PTPDC1: variants seen among roughly 807,000 people sequenced by gnomAD.
PTPDC1 encodes protein tyrosine phosphatase domain-containing protein 1.
PTPDC1 carries 53 observed loss-of-function variants against 75.3 expected under a neutral mutation model. That is an observed-to-expected ratio of 0.70 (90% CI 0.56 to 0.88). PTPDC1 has a LOEUF of 0.88. Ranked by LOEUF, PTPDC1 falls within the 40% of genes least tolerant of loss-of-function variation. The pLI is 0.00. For missense variants in PTPDC1, 925 were observed against 998.6 expected (o/e 0.93, Z 0.99); for synonymous variants, 349 against 366.2 (o/e 0.95, Z 0.54).
rs1423844283 is a variant in PTPDC1, at chr9:94,036,943, A to G, written c.-7+5816A>G. ...CAAAAGGAAAGTTACCTTGTCCTATATGGTTTGAACTCAGAACATTCTTTT... is the reference window on the plus strand; with the variant it reads ...CAAAAGGAAAGTTACCTTGTCCTATGTGGTTTGAACTCAGAACATTCTTTT... On this transcript the variant is annotated intron_variant, in intron 1 of 9. Transcript: ENST00000375360. Among the ~76,000 whole-genome samples the G allele has an allele frequency of 2.6e-5, 4 of 152,228 alleles. No individual in the cohort carries two copies. In the East Asian group the frequency reaches 7.7e-4, roughly 29 times the overall value.
chr9:94,081,764 G>A (rs907706403), upstream of PTPDC1, among the ~76,000 whole-genome samples: 4 of 151,976 alleles, frequency 2.6e-5, no homozygotes, highest in Non-Finnish European at 5.9e-5. Flanking sequence ...ATGAAGGGGA[G>A]AGAAGAAGGG....
At chr9:94,075,993 TTTTG>T (rs199885554) in intron 2 of PTPDC1, among the ~76,000 whole-genome samples, 11,457 of 151,954 alleles carry the variant, frequency 0.075, 569 homozygotes, top group East Asian at 0.14. Flanking sequence ...TGTGTGTGTG[TTTTG>T]TTTGTTTGTT....
At chr9:94,045,553 G>GTA (rs1224533842) in intron 1 of PTPDC1, among the ~76,000 whole-genome samples, 6 of 152,028 alleles carry the variant, frequency 3.9e-5, no homozygotes, top group Admixed American at 1.3e-4. Flanking sequence ...GTGTGAGATG[G>GTA]TATCTCATTG....
At chr9:94,052,024 G>A (rs115613695) in intron 1 of PTPDC1, among the ~76,000 whole-genome samples, 2,851 of 151,924 alleles carry the variant, frequency 0.019, 110 homozygotes, top group African/African-American at 0.064. Flanking sequence ...TTACTTTAGC[G>A]GCATCCCATA....
In PTPDC1 at chr9:94,109,748, T is replaced by TA; in HGVS notation, c.*1809dup. On this transcript the variant is annotated 3_prime_UTR_variant, in exon 9 of 9. Coordinates refer to ENST00000620992, the MANE Select transcript of PTPDC1 (RefSeq NM_001253829.2). ...TGATGTGACCATAGCATGGCACAACTAAAAATCTAAGCCTGAAACCTGAAA... is the reference window on the plus strand; with the variant it reads ...TGATGTGACCATAGCATGGCACAACTAAAAAATCTAAGCCTGAAACCTGAAA... 1 of 152,282 alleles carries TA rather than the reference T, an allele frequency of 6.6e-6. No individual in the cohort carries two copies. The highest frequency in any genetic ancestry group is 2.1e-4 in the South Asian group (1 of 4,826). 9.4% of individuals were successfully genotyped at this position (152,282 alleles called of 1,614,324 possible).
At chr9:94,038,282 G>C (rs376540962) in intron 1 of PTPDC1, 22 of 791,636 alleles carry the variant, frequency 2.8e-5, no homozygotes, top group Admixed American at 1.1e-4. Context: ...GATCTTTGCT[G>C]GCATTAAGAA....
Position 94,061,856 on chromosome 9 carries a change from A to G in PTPDC1, c.-6-2878A>G, listed in dbSNP as rs1826151070. ...GAGGGGCTACCTGGAAGGTCTCTGA[A>G]ATGCCTTCAAGGCGTTTTTCCCATT... On this transcript the variant is annotated intron_variant, in intron 1 of 9. Transcript: ENST00000375360. Among the ~76,000 whole-genome samples the G allele has an allele frequency of 2.0e-5, 3 of 152,184 alleles. No homozygotes were observed. In the South Asian group the frequency reaches 6.2e-4, roughly 32 times the overall value.
chr9:94,088,597 G>A (rs1359369064), intron 4 of PTPDC1, among the ~76,000 whole-genome samples: 3 of 152,074 alleles, frequency 2.0e-5, no homozygotes, highest in African/African-American at 4.8e-5. Context: ...GAAGCCACAC[G>A]GGGCTTAGAG....
chr9:94,074,567 C>T (rs1208297792), intron 2 of PTPDC1, among the ~76,000 whole-genome samples: 1 of 152,072 alleles, frequency 6.6e-6, no homozygotes, highest in Admixed American at 6.5e-5. Context: ...CCTCCCACTC[C>T]CCACCACCTC....
At chr9:94,071,776 C>CA (rs1378214691) in intron 2 of PTPDC1, among the ~76,000 whole-genome samples, 1 of 152,068 alleles carries the variant, frequency 6.6e-6, no homozygotes, top group Non-Finnish European at 1.5e-5. Flanking sequence ...TTTATGTCAG[C>CA]AAAAAATATT....
intron 2 of PTPDC1, among the ~76,000 whole-genome samples, chr9:94,069,533 T>A (rs1826437194): frequency 6.6e-6 from 1 of 151,722 alleles, no homozygotes; most frequent in African/African-American, 2.4e-5. Flanking sequence ...TTTTTTTTTT[T>A]TTTTTTGGAC....
At position 94,085,398 on chromosome 9, in the gene PTPDC1, C is replaced by G. The variant is rs762447222; in HGVS notation, c.392C>G (p.Ala131Gly). The change falls in exon 2 of 9, where the codon GCC becomes GGC. Residue 131 changes from alanine (A) to glycine (G), a missense_variant. Physicochemically the swap from Ala to Gly is moderately conservative, Grantham distance 60 (BLOSUM62 0). Coordinates refer to ENST00000620992, the MANE Select transcript of PTPDC1 (RefSeq NM_001253829.2). ...NPARWSEQEQ[A>G]IKGVYSSWVT... ...GCCCGCTGGAGTGAGCAGGAGCAAG[C>G]CATTAAGGGGGTTTACTCATCCTGG... 6.2e-7 allele frequency: 1 copy of G among 1,614,124 alleles called. No individual in the cohort carries two copies. Among genetic ancestry groups the G allele is most frequent in the South Asian group, 1.1e-5 (1 of 91,062 alleles).
At chr9:94,074,546 G>C (rs1447102646) in intron 2 of PTPDC1, among the ~76,000 whole-genome samples, 1 of 152,128 alleles carries the variant, frequency 6.6e-6, no homozygotes, top group Admixed American at 6.5e-5. Context: ...GGTGGAAAGT[G>C]TAATGCCAAG....
At chr9:94,050,544 A>C (rs1417002505) in intron 1 of PTPDC1, among the ~76,000 whole-genome samples, 1 of 152,224 alleles carries the variant, frequency 6.6e-6, no homozygotes, top group Admixed American at 6.5e-5. Flanking sequence ...GCTGAACAGC[A>C]AATGTTGCTG....
chr9:94,077,733 A>G (rs1383908475), intron 2 of PTPDC1, among the ~76,000 whole-genome samples: 2 of 152,176 alleles, frequency 1.3e-5, no homozygotes, highest in South Asian at 2.1e-4. Flanking sequence ...ACCACTGGCC[A>G]TTGTTGATCA....
chr9:94,033,380 C>T (rs1178269786), intron 1 of PTPDC1, among the ~76,000 whole-genome samples: 1 of 152,140 alleles, frequency 6.6e-6, no homozygotes, highest in Admixed American at 6.5e-5. Flanking sequence ...TCACGTACCT[C>T]ATGTGTTGTT....
At chr9:94,049,657 C>A (rs895623190) in intron 1 of PTPDC1, among the ~76,000 whole-genome samples, 2 of 152,162 alleles carry the variant, frequency 1.3e-5, no homozygotes, top group African/African-American at 4.8e-5. Flanking sequence ...TTTTTTCCTT[C>A]ATTTCAACTT....
rs566469977 is a variant in PTPDC1, at chr9:94,079,099, A to G, written c.83-6152A>G. On this transcript the variant is annotated intron_variant, in intron 2 of 9. Coordinates refer to the PTPDC1 transcript ENST00000375360. ...CTGGACATTTTAGGTAATATTTTTT[A>G]GCACCTCTAGATACTCTTCCCTCCC... Among the ~76,000 whole-genome samples the G allele has an allele frequency of 3.8e-4, 58 of 152,190 alleles. 1 individual carries two copies. Among genetic ancestry groups the G allele is most frequent in the African/African-American group, 1.3e-3 (55 of 41,514 alleles).
At chr9:94,031,644 A>G (rs1008976451) in intron 1 of PTPDC1, among the ~76,000 whole-genome samples, 3 of 151,990 alleles carry the variant, frequency 2.0e-5, no homozygotes, top group Admixed American at 6.6e-5. Flanking sequence ...TCTTAGGGGG[A>G]AAAAAGATCG....
Sources: allele counts gnomAD v4.1 joint callset (sites outside exome capture counted in the v4.1 genomes callset), GRCh38; gene constraint gnomAD v4.1.1; transcripts MANE v1.5; gene names NCBI Gene and HGNC (gene_info 2026-07-23, HGNC 2026-07-21).